Variants in TOGARAM1 observed in about 807,000 individuals in gnomAD.
The protein encoded by TOGARAM1 is TOG array regulator of axonemal microtubules 1.
TOGARAM1 carries 100 observed loss-of-function variants against 166.6 expected under a neutral mutation model. The ratio of observed to expected loss-of-function variants is 0.60; its 90% CI spans 0.51 to 0.71. TOGARAM1 has a LOEUF of 0.71. Ranked by LOEUF, TOGARAM1 falls within the 30% of genes least tolerant of loss-of-function variation. The pLI is 0.00. For missense variants in TOGARAM1, 2,029 were observed against 2,102.7 expected (o/e 0.96, Z 0.69); for synonymous variants, 758 against 763.8 (o/e 0.99, Z 0.13).
intron 1 of TOGARAM1, among the ~76,000 whole-genome samples, chr14:44,977,102 A>G (rs1451359742): frequency 1.3e-5 from 2 of 152,146 alleles, no homozygotes; most frequent in African/African-American, 4.8e-5. Flanking sequence ...ACAAAGTAAA[A>G]TTAATCAATG....
At chr14:44,982,826 TCTC>T (rs1886603133) in intron 1 of TOGARAM1, among the ~76,000 whole-genome samples, 1 of 152,240 alleles carries the variant, frequency 6.6e-6, no homozygotes, top group Non-Finnish European at 1.5e-5. Context: ...TATTCCTTCT[TCTC>T]AATGATGGTA....
chr14:45,045,073 T>G (rs759183907), intron 13 of TOGARAM1, among the ~76,000 whole-genome samples: 3 of 152,176 alleles, frequency 2.0e-5, no homozygotes, highest in Admixed American at 6.5e-5. Context: ...ATATGTATAC[T>G]TCTTTTGTCC....
intron 13 of TOGARAM1, among the ~76,000 whole-genome samples, chr14:45,045,514 G>T (rs1881942046): frequency 8.3e-6 from 1 of 121,032 alleles, no homozygotes; most frequent in Non-Finnish European, 1.7e-5. Flanking sequence ...TCATTTTAAT[G>T]GCAGAGTAGT....
Position 44,962,712 on chromosome 14 carries a change from T to C in TOGARAM1, c.291T>C (p.Thr97=), listed in dbSNP as rs895884865. The change falls in exon 1 of 20, where the codon ACT becomes ACC. Residue 97 remains threonine (T), a synonymous_variant. Transcript: ENST00000361462. The part of the protein sequence containing the change: ...GGLSGGDEED[T]RLLQLLRTAR... ...TGTCAGGGGGAGATGAAGAGGACAC[T>C]CGGCTCCTTCAACTCCTCCGCACTG... The C allele has an allele frequency of 3.1e-6, 5 of 1,614,036 alleles. No individual in the cohort carries two copies. Among genetic ancestry groups the C allele is most frequent in the Admixed American group, 1.7e-5 (1 of 60,028 alleles).
At chr14:44,983,357 G>A (rs1227741247) in intron 1 of TOGARAM1, among the ~76,000 whole-genome samples, 2 of 152,192 alleles carry the variant, frequency 1.3e-5, no homozygotes, top group Non-Finnish European at 2.9e-5. Flanking sequence ...GAAAGGGTGT[G>A]TGTTTTAAGT....
chr14:45,063,429 A>G (rs962989086), intron 16 of TOGARAM1, among the ~76,000 whole-genome samples: 1 of 151,620 alleles, frequency 6.6e-6, no homozygotes, highest in Non-Finnish European at 1.5e-5. Flanking sequence ...CATCCTCACC[A>G]ATACTTGTGA....
intron 11 of TOGARAM1, among the ~76,000 whole-genome samples, chr14:45,043,378 A>G (rs1881823906): frequency 6.6e-6 from 1 of 152,060 alleles, no homozygotes; most frequent in African/African-American, 2.4e-5. Flanking sequence ...GCGTTTCACC[A>G]TGTTGGCCTG....
chr14:44,966,988 G>A (rs908409801), intron 1 of TOGARAM1, among the ~76,000 whole-genome samples: 1 of 151,988 alleles, frequency 6.6e-6, no homozygotes, highest in Admixed American at 6.6e-5. Context: ...AGAGTAACAT[G>A]ATGCCTAGCC....
rs3215584 is a variant in TOGARAM1, at chr14:44,999,632, CT to C, written c.2338+141del. ...AAGGATTTTGTTATATTTTTAATAA[CT>C]TTTTTCATAATTGTTACCCTAAAGT... On this transcript the variant is annotated intron_variant, in intron 3 of 19. Transcript: ENST00000361462. 47 of 713,364 alleles carry C rather than the reference CT, an allele frequency of 6.6e-5. No homozygotes were observed. In the East Asian group the frequency reaches 1.3e-3, roughly 20 times the overall value. The allele number at this position is 713,364 out of a possible 1,614,324, so 44.2% of individuals were successfully genotyped here.
intron 7 of TOGARAM1, among the ~76,000 whole-genome samples, chr14:45,025,284 G>A (rs1594668082): frequency 6.6e-6 from 1 of 152,040 alleles, no homozygotes; most frequent in South Asian, 2.1e-4. Flanking sequence ...GAAAGGAAGG[G>A]GCCAGGCATG....
At chr14:44,981,057 C>G (rs1886503085) in intron 1 of TOGARAM1, among the ~76,000 whole-genome samples, 1 of 151,752 alleles carries the variant, frequency 6.6e-6, no homozygotes, top group Non-Finnish European at 1.5e-5. Flanking sequence ...GGAGGAATAA[C>G]TAAAATTTGA....
Position 45,004,258 on chromosome 14 carries a change from A to G in TOGARAM1, c.2536A>G (p.Asn846Asp). The change falls in exon 4 of 20, where the codon AAT (asparagine) becomes GAT (aspartate). Residue 846 changes from asparagine (N) to aspartate (D), a missense_variant. Physicochemically the swap from Asn to Asp is conservative, Grantham distance 23. Transcript: ENST00000361462. ...AAAGAAGTCTCAAGATAATTCTGTT[A>G]ATTTCTCAAATTCCTGGCCTCTTAA... ...SPKKSQDNSV[N>D]FSNSWPLKSF... 1 of 1,614,114 alleles carries G rather than the reference A, an allele frequency of 6.2e-7. No individual in the cohort carries two copies. The highest frequency in any genetic ancestry group is 8.5e-7 in the Non-Finnish European group (1 of 1,180,004).
intron 11 of TOGARAM1, among the ~76,000 whole-genome samples, chr14:45,039,596 C>A (rs1423834842): frequency 6.6e-6 from 1 of 152,128 alleles, no homozygotes; most frequent in Non-Finnish European, 1.5e-5. Flanking sequence ...CAGCACTGCC[C>A]CAAGTGTGTG....
intron 5 of TOGARAM1, chr14:45,008,067 A>C (rs577079287): frequency 2.7e-4 from 41 of 152,310 alleles, no homozygotes; most frequent in African/African-American, 9.4e-4. Flanking sequence ...AAGACTTAAG[A>C]AATTTATGGA....
chr14:44,988,561 A>C (rs539770136), intron 1 of TOGARAM1, among the ~76,000 whole-genome samples: 9 of 152,362 alleles, frequency 5.9e-5, no homozygotes, highest in Admixed American at 5.2e-4. Context: ...AAGAGACAAA[A>C]ACATATATTC....
intron 1 of TOGARAM1, among the ~76,000 whole-genome samples, chr14:44,976,502 C>A (rs1400975640): frequency 6.6e-6 from 1 of 152,176 alleles, no homozygotes; most frequent in African/African-American, 2.4e-5. Flanking sequence ...ACATTGAGAA[C>A]AGAGATTATT....
chr14:44,989,343 C>T (rs551708543), intron 1 of TOGARAM1, among the ~76,000 whole-genome samples: 6 of 152,028 alleles, frequency 3.9e-5, no homozygotes, highest in Non-Finnish European at 5.9e-5. Context: ...TTTAGAGTTC[C>T]GAAGTAATGT....
At chr14:44,986,936 G>A (rs553750544) in intron 1 of TOGARAM1, among the ~76,000 whole-genome samples, 15 of 150,336 alleles carry the variant, frequency 1.0e-4, no homozygotes, top group Admixed American at 9.9e-4. Flanking sequence ...AACCCAGGAG[G>A]CGAGCTTGCA....
intron 2 of TOGARAM1, among the ~76,000 whole-genome samples, chr14:44,998,859 A>G (rs1489910951): frequency 2.6e-5 from 4 of 152,182 alleles, no homozygotes; most frequent in African/African-American, 9.7e-5. Flanking sequence ...GAGGGGAAAC[A>G]GGAAACATAT....
Sources: allele counts gnomAD v4.1 joint callset (sites outside exome capture counted in the v4.1 genomes callset), GRCh38; gene constraint gnomAD v4.1.1; transcripts MANE v1.5; gene names NCBI Gene and HGNC (gene_info 2026-07-23, HGNC 2026-07-21).